EIF3E: variants seen among roughly 807,000 people sequenced by gnomAD.
EIF3E encodes the protein eukaryotic translation initiation factor 3 subunit E.
EIF3E carries 25 observed loss-of-function variants against 59.3 expected under a neutral mutation model. The observed-to-expected ratio is 0.42, with a 90% CI of 0.31 to 0.59. The LOEUF (loss-of-function observed/expected upper bound fraction) is 0.59, where lower values mean the gene tolerates loss of function less well. Among genes scored for constraint, EIF3E ranks in the 20% least tolerant of loss-of-function variants. The pLI, the probability that EIF3E is intolerant of heterozygous loss-of-function variation, is 0.15. For synonymous variants in EIF3E, 176 were observed against 170.2 expected (o/e 1.03, Z -0.26); for missense variants, 317 against 534.3 (o/e 0.59, Z 4.01).
intron 7 of EIF3E, among the ~76,000 whole-genome samples, chr8:108,219,011 G>A (rs1586197493): frequency 6.6e-6 from 1 of 151,964 alleles, no homozygotes; most frequent in South Asian, 2.1e-4. Flanking sequence ...GTCTCGAACT[G>A]CTGAGTCAAG....
chr8:108,213,906 A>C (rs543223349), intron 10 of EIF3E, among the ~76,000 whole-genome samples: 1 of 152,358 alleles, frequency 6.6e-6, no homozygotes, highest in South Asian at 2.1e-4. Flanking sequence ...AAATGGCATT[A>C]AAGAAAAAGA....
At chr8:108,229,587 C>T (rs1046325673) in intron 5 of EIF3E, among the ~76,000 whole-genome samples, 1 of 151,984 alleles carries the variant, frequency 6.6e-6, no homozygotes, top group African/African-American at 2.4e-5. Context: ...AATCAAGACA[C>T]GTGAGTCTCA....
In EIF3E at chr8:108,248,698, GC is replaced by G; in HGVS notation, c.4del (p.Ala2ArgfsTer5). The part of the protein sequence containing the change: M[A>X]EYDLTTRIAH... ...GATGCGAGTAGTCAAGTCGTACTCC[GC>G]CATCTTGCCAAAGAAAAGGGAGTCT... On this transcript the variant is annotated frameshift_variant, in exon 1 of 13. Coordinates refer to ENST00000220849, the MANE Select transcript of EIF3E (RefSeq NM_001568.3). LOFTEE classifies it high-confidence loss of function. 1 of 1,614,058 alleles carries G rather than the reference GC, an allele frequency of 6.2e-7. No individual in the cohort carries two copies. The highest frequency in any genetic ancestry group is 8.5e-7 in the Non-Finnish European group (1 of 1,179,964).
At chr8:108,214,148 A>G (rs987381516) in intron 10 of EIF3E, among the ~76,000 whole-genome samples, 3 of 152,226 alleles carry the variant, frequency 2.0e-5, no homozygotes, top group African/African-American at 7.2e-5. Flanking sequence ...ACATTTTAAG[A>G]TGCCATAGGA....
At chr8:108,233,929 G>C (rs1395753824) in intron 5 of EIF3E, among the ~76,000 whole-genome samples, 1 of 151,684 alleles carries the variant, frequency 6.6e-6, no homozygotes, top group Non-Finnish European at 1.5e-5. Flanking sequence ...TCAAATGAGA[G>C]GCTAGTTAAT....
chr8:108,241,518 A>G (rs1229703374), intron 2 of EIF3E, among the ~76,000 whole-genome samples: 1 of 152,232 alleles, frequency 6.6e-6, no homozygotes, highest in Non-Finnish European at 1.5e-5. Context: ...ACATTCTCAG[A>G]TAATTCTAAG....
rs370218370 is a variant in EIF3E, at chr8:108,236,173, C to T, written c.354G>A (p.Ala118=). The part of the protein sequence containing the change: ...RDGRMLFDYL[A]DKHGFRQEYL... ...TTAAAACACTTACACCATGCTTGTC[C>T]GCCAGGTAGTCAAAGAGCATCCTAC... Residue 118 remains alanine, a synonymous_variant, in exon 4 of 13, where the codon GCG becomes GCA. Coordinates refer to ENST00000220849, the MANE Select transcript of EIF3E (RefSeq NM_001568.3). 3.2e-5 allele frequency: 51 copies of T among 1,609,872 alleles called. No individual in the cohort carries two copies. The highest frequency in any genetic ancestry group is 3.3e-4 in the Middle Eastern group (2 of 5,994).
intron 10 of EIF3E, among the ~76,000 whole-genome samples, chr8:108,214,252 T>G (rs1030925985): frequency 6.6e-6 from 1 of 152,222 alleles, no homozygotes; most frequent in Non-Finnish European, 1.5e-5. Context: ...GAATTTCCAA[T>G]TTAATGGGTA....
At chr8:108,248,308 C>T (rs563693259) in intron 1 of EIF3E, among the ~76,000 whole-genome samples, 1 of 151,126 alleles carries the variant, frequency 6.6e-6, no homozygotes, top group African/African-American at 2.5e-5. Flanking sequence ...CGTTCTCTAG[C>T]GAAACCAGCG....
At chr8:108,214,220 C>T (rs1412041575) in intron 10 of EIF3E, among the ~76,000 whole-genome samples, 1 of 152,056 alleles carries the variant, frequency 6.6e-6, no homozygotes. Context: ...AAAGGATTAC[C>T]AAATGTAGTG....
At chr8:108,224,224 AAAAAAT>A (rs1248279908) in intron 7 of EIF3E, among the ~76,000 whole-genome samples, 3 of 151,482 alleles carry the variant, frequency 2.0e-5, no homozygotes, top group Non-Finnish European at 4.4e-5. Flanking sequence ...TCCGTCTCAA[AAAAAAT>A]AAAAATAAAA....
intron 5 of EIF3E, 126 bp from the exon 6 acceptor site, chr8:108,229,321 TTATC>T (rs1408036418): frequency 6.4e-6 from 6 of 941,896 alleles, no homozygotes; most frequent in African/African-American, 5.0e-5. Context: ...AAAACTGTAA[TTATC>T]TAAGTCCTTA....
At chr8:108,243,425 C>G (rs1022483953) in intron 1 of EIF3E, 1 of 151,720 alleles carries the variant, frequency 6.6e-6, no homozygotes, top group Non-Finnish European at 1.5e-5. Flanking sequence ...GTCAGGAGAT[C>G]GAGACCATCC....
chr8:108,226,693 A>G (rs546096650), intron 7 of EIF3E, among the ~76,000 whole-genome samples: 2 of 152,204 alleles, frequency 1.3e-5, no homozygotes, highest in African/African-American at 4.8e-5. Flanking sequence ...CAAATAAGGG[A>G]TTTTTTGCCC....
intron 10 of EIF3E, among the ~76,000 whole-genome samples, chr8:108,208,307 G>A (rs1048476066): frequency 2.6e-5 from 4 of 152,044 alleles, no homozygotes; most frequent in Non-Finnish European, 4.4e-5. Flanking sequence ...GAAACCTCTG[G>A]TCTAGTTTTC....
chr8:108,209,865 A>T (rs1406619733), intron 10 of EIF3E, among the ~76,000 whole-genome samples: 1 of 152,134 alleles, frequency 6.6e-6, no homozygotes, highest in Admixed American at 6.6e-5. Context: ...AGCTTGAAGG[A>T]TCCTTGTGAT....
chr8:108,236,058 G>A (rs1586207957), intron 4 of EIF3E, 103 bp downstream of exon 4: 1 of 846,474 alleles, frequency 1.2e-6, no homozygotes, highest in Admixed American at 2.9e-5. Context: ...AATTAATCTG[G>A]AAATTATATT....
chr8:108,226,693 A>T (rs546096650), intron 7 of EIF3E, among the ~76,000 whole-genome samples: 1 of 152,086 alleles, frequency 6.6e-6, no homozygotes, highest in Non-Finnish European at 1.5e-5. Flanking sequence ...CAAATAAGGG[A>T]TTTTTTGCCC....
chr8:108,210,467 G>A (rs1467808117), intron 10 of EIF3E, among the ~76,000 whole-genome samples: 4 of 151,966 alleles, frequency 2.6e-5, no homozygotes, highest in Non-Finnish European at 5.9e-5. Flanking sequence ...TTTTTTTCCC[G>A]TGTAATGTTT....
Sources: allele counts gnomAD v4.1 joint callset (sites outside exome capture counted in the v4.1 genomes callset), GRCh38; gene constraint gnomAD v4.1.1; transcripts MANE v1.5; gene names NCBI Gene and HGNC (gene_info 2026-07-23, HGNC 2026-07-21).